ADAMTSL3: variants seen among roughly 807,000 people sequenced by gnomAD.
The protein encoded by ADAMTSL3 is ADAMTS like 3, also known as ADAMTS-like protein 3.
Under a neutral mutation model 201.7 loss-of-function variants are expected in ADAMTSL3, and 128 were observed. That is an observed-to-expected ratio of 0.63 (90% CI 0.55 to 0.73). The LOEUF (loss-of-function observed/expected upper bound fraction) is 0.73, where lower values mean the gene tolerates loss of function less well. Among genes scored for constraint, ADAMTSL3 ranks in the 30% least tolerant of loss-of-function variants. ADAMTSL3 has a pLI of 0.00. For synonymous variants in ADAMTSL3, 738 were observed against 748.4 expected, an observed-to-expected ratio of 0.99 and a Z score of 0.23; for missense variants, 1,990 against 2,119.6, an observed-to-expected ratio of 0.94 and a Z score of 1.20.
intron 2 of ADAMTSL3, among the ~76,000 whole-genome samples, chr15:83,678,035 CACTT>C (rs2061429802): frequency 6.6e-6 from 1 of 151,984 alleles, no homozygotes; most frequent in African/African-American, 2.4e-5. Flanking sequence ...TTTACCACCT[CACTT>C]AGTGTAGAAA....
chr15:83,937,406 G>A (rs1318850165), intron 17 of ADAMTSL3, among the ~76,000 whole-genome samples: 1 of 150,904 alleles, frequency 6.6e-6, no homozygotes, highest in Non-Finnish European at 1.5e-5. Flanking sequence ...ACTAATGCAG[G>A]AACAGAAAAC....
At chr15:83,747,400 C>A (rs758716917) in intron 3 of ADAMTSL3, among the ~76,000 whole-genome samples, 44 of 152,334 alleles carry the variant, frequency 2.9e-4, no homozygotes, top group Non-Finnish European at 5.1e-4. Flanking sequence ...TGGTCAGTTT[C>A]TGCTCTGGCA....
intron 19 of ADAMTSL3, among the ~76,000 whole-genome samples, chr15:83,952,381 T>G (rs191013538): frequency 6.6e-6 from 1 of 152,306 alleles, no homozygotes; most frequent in African/African-American, 2.4e-5. Flanking sequence ...ACATATGGTC[T>G]GTTTTTGAGA....
intron 3 of ADAMTSL3, among the ~76,000 whole-genome samples, chr15:83,717,899 C>A (rs2062041831): frequency 6.6e-6 from 1 of 152,130 alleles, no homozygotes; most frequent in East Asian, 1.9e-4. Flanking sequence ...TGTTATGAGA[C>A]TGCTGTGTGG....
chr15:83,997,793 C>G (rs766940157), intron 23 of ADAMTSL3, among the ~76,000 whole-genome samples: 1 of 152,088 alleles, frequency 6.6e-6, no homozygotes, highest in African/African-American at 2.4e-5. Flanking sequence ...TTGGACCTAT[C>G]ACATAGTTTC....
intron 2 of ADAMTSL3, among the ~76,000 whole-genome samples, chr15:83,666,437 G>A (rs1034048749): frequency 6.6e-6 from 1 of 152,132 alleles, no homozygotes; most frequent in African/African-American, 2.4e-5. Context: ...CCTTGCAATA[G>A]TTGCCACTAT....
At chr15:83,663,348 G>A (rs868708945) in intron 2 of ADAMTSL3, among the ~76,000 whole-genome samples, 20 of 152,076 alleles carry the variant, frequency 1.3e-4, no homozygotes, top group South Asian at 8.3e-4. Context: ...ATTTCTAATG[G>A]CTGTGTTCCA....
intron 3 of ADAMTSL3, among the ~76,000 whole-genome samples, chr15:83,723,808 A>C (rs1349649909): frequency 6.6e-6 from 1 of 152,158 alleles, no homozygotes; most frequent in African/African-American, 2.4e-5. Flanking sequence ...TTTCTTTTAA[A>C]TGTATTCTCC....
At chr15:83,704,848 T>C (rs191604863) in intron 3 of ADAMTSL3, among the ~76,000 whole-genome samples, 32 of 152,334 alleles carry the variant, frequency 2.1e-4, no homozygotes, top group African/African-American at 7.7e-4. Flanking sequence ...TGTTACTTCT[T>C]TGCCCTCAGC....
At chr15:84,025,116 T>C (rs1004334369) in intron 26 of ADAMTSL3, 122 bp from the exon 27 acceptor site, 7 of 765,426 alleles carry the variant, frequency 9.1e-6, no homozygotes, top group African/African-American at 5.3e-5. Flanking sequence ...CCCATTCCCA[T>C]AGAGACATGT....
intron 2 of ADAMTSL3, among the ~76,000 whole-genome samples, chr15:83,697,376 T>G (rs992403185): frequency 6.6e-6 from 1 of 152,160 alleles, no homozygotes; most frequent in African/African-American, 2.4e-5. Context: ...ATTCTGAGAC[T>G]ATCTACCTAG....
At position 83,773,619 on chromosome 15, in the gene ADAMTSL3, T is replaced by C. The variant is rs776599389; in HGVS notation, c.286T>C (p.Ser96Pro). ...DCSRTCGGGA[S>P]YSLRRCLTGR... ...CTCCCGGACCTGTGGGGGAGGAGCA[T>C]CATATTCTCTGCGGAGATGTTTGAC... The change falls in exon 4 of 30, where the codon TCA (serine) becomes CCA (proline). Residue 96 changes from serine to proline, a missense_variant. By Grantham distance (74) the Ser-to-Pro change is moderately conservative. Coordinates refer to ENST00000286744, the MANE Select transcript of ADAMTSL3 (RefSeq NM_207517.3). 1 of 1,611,366 alleles carries C rather than the reference T, an allele frequency of 6.2e-7. No homozygotes were observed. The highest frequency in any genetic ancestry group is 8.5e-7 in the Non-Finnish European group (1 of 1,179,328).
intron 4 of ADAMTSL3, among the ~76,000 whole-genome samples, chr15:83,798,619 A>G (rs1190876962): frequency 2.0e-5 from 3 of 152,108 alleles, no homozygotes; most frequent in African/African-American, 7.2e-5. Flanking sequence ...CAGCCTGACC[A>G]ACATGGTGAA....
chr15:83,927,222 T>G (rs1044728879), intron 17 of ADAMTSL3, among the ~76,000 whole-genome samples: 7 of 152,060 alleles, frequency 4.6e-5, no homozygotes, highest in African/African-American at 1.7e-4. Context: ...GTTCAAGTGA[T>G]TCTCCTGCCT....
At chr15:83,839,040 T>C (rs2064327137) in intron 7 of ADAMTSL3, among the ~76,000 whole-genome samples, 1 of 152,210 alleles carries the variant, frequency 6.6e-6, no homozygotes, top group Non-Finnish European at 1.5e-5. Context: ...TGTTAACCGC[T>C]CCTTTAAAGG....
At chr15:83,702,295 G>A (rs1431301820) in intron 2 of ADAMTSL3, among the ~76,000 whole-genome samples, 1 of 152,216 alleles carries the variant, frequency 6.6e-6, no homozygotes, top group African/African-American at 2.4e-5. Flanking sequence ...TTTGCAGCCT[G>A]ACTATGCAAT....
chr15:83,821,695 C>A (rs1357771541), intron 6 of ADAMTSL3, among the ~76,000 whole-genome samples: 3 of 152,238 alleles, frequency 2.0e-5, no homozygotes, highest in East Asian at 3.9e-4. Context: ...CCCCACCTTT[C>A]CCCACTTTCT....
intron 3 of ADAMTSL3, among the ~76,000 whole-genome samples, chr15:83,761,702 G>C (rs1166402230): frequency 6.6e-6 from 1 of 152,136 alleles, no homozygotes; most frequent in East Asian, 1.9e-4. Context: ...CAAGAGCATA[G>C]ATAATATCCT....
Position 83,970,645 on chromosome 15 carries a change from T to C in ADAMTSL3, c.2644+8T>C. On this transcript the variant is annotated splice_region_variant and intron_variant, in intron 20 of 29. Coordinates refer to ENST00000286744, the MANE Select transcript of ADAMTSL3 (RefSeq NM_207517.3). ...AGATGCCTGAGTGCAGTAGTAAGTA[T>C]GCGGTGTCCGCGCTTCACCAAGATA... 1 of 1,613,906 alleles carries C rather than the reference T, an allele frequency of 6.2e-7. No homozygotes were observed. The highest frequency in any genetic ancestry group is 8.5e-7 in the Non-Finnish European group (1 of 1,179,904).
Sources: gnomAD v4.1 joint callset for allele counts (sites outside exome capture counted in the v4.1 genomes callset) on GRCh38, gnomAD v4.1.1 for gene constraint, MANE v1.5 for transcripts, NCBI Gene and HGNC (gene_info 2026-07-23, HGNC 2026-07-21) for gene names.